The following COBL variants were observed in gnomAD, a reference collection of about 807,000 sequenced individuals.
COBL encodes protein cordon-bleu.
In COBL, 51 loss-of-function variants were observed where a neutral mutation model predicts 98.8. The observed-to-expected ratio is 0.52, with a 90% CI of 0.41 to 0.65. The LOEUF (loss-of-function observed/expected upper bound fraction) is 0.65, where lower values mean the gene tolerates loss of function less well. Ranked by LOEUF, COBL falls within the 30% of genes least tolerant of loss-of-function variation. The probability of loss-of-function intolerance (pLI) is 0.00; values close to 1 mark genes in which losing one functional copy is unlikely to be tolerated. For missense variants in COBL, 1,617 were observed against 1,617.5 expected (o/e 1.00, Z 0.01); for synonymous variants, 634 against 651.7 (o/e 0.97, Z 0.41).
At chr7:51,126,604 G>T (rs930841810) in intron 6 of COBL, among the ~76,000 whole-genome samples, 11 of 152,116 alleles carry the variant, frequency 7.2e-5, no homozygotes, top group African/African-American at 2.7e-4. Flanking sequence ...GAGGAGCCTG[G>T]GTTGGACCTG....
At chr7:51,263,973 G>A (rs1226060974) in intron 1 of COBL, among the ~76,000 whole-genome samples, 1 of 152,200 alleles carries the variant, frequency 6.6e-6, no homozygotes, top group Non-Finnish European at 1.5e-5. Flanking sequence ...TAGTTTTCAT[G>A]ACAGCTCACA....
intron 1 of COBL, among the ~76,000 whole-genome samples, chr7:51,310,745 TGC>T (rs1563154722): frequency 6.6e-6 from 1 of 151,988 alleles, no homozygotes; most frequent in East Asian, 1.9e-4. Flanking sequence ...CTGTAACCTC[TGC>T]CTCCCGGTTC....
intron 5 of COBL, among the ~76,000 whole-genome samples, chr7:51,175,018 G>A (rs539796067): frequency 2.6e-5 from 4 of 152,270 alleles, no homozygotes; most frequent in Admixed American, 1.3e-4. Context: ...AGAGGATCCC[G>A]GGGTGCAAAG....
chr7:51,195,904 C>A (rs577709221), intron 2 of COBL, among the ~76,000 whole-genome samples: 96 of 152,214 alleles, frequency 6.3e-4, no homozygotes, highest in African/African-American at 2.2e-3. Context: ...AGGGCCAAGA[C>A]TATAGGGTGT....
chr7:51,283,859 G>A (rs560400778), intron 1 of COBL, among the ~76,000 whole-genome samples: 1 of 152,014 alleles, frequency 6.6e-6, no homozygotes, highest in Admixed American at 6.6e-5. Flanking sequence ...ATTTTACTAA[G>A]CATTTAAAAT....
At chr7:51,143,379 A>G (rs972891308) in intron 5 of COBL, among the ~76,000 whole-genome samples, 1 of 152,198 alleles carries the variant, frequency 6.6e-6, no homozygotes, top group Non-Finnish European at 1.5e-5. Context: ...AATTTGCCAT[A>G]ATTTATGTGG....
At chr7:51,223,755 T>C (rs1793891342) in intron 1 of COBL, among the ~76,000 whole-genome samples, 1 of 152,204 alleles carries the variant, frequency 6.6e-6, no homozygotes, top group African/African-American at 2.4e-5. Context: ...CAGTGATATC[T>C]ACGTTGGCTG....
At chr7:51,187,251 C>T (rs559600478) in intron 4 of COBL, among the ~76,000 whole-genome samples, 2 of 150,800 alleles carry the variant, frequency 1.3e-5, no homozygotes, top group South Asian at 2.1e-4. Context: ...ACCAGGTCAA[C>T]ATCTGCAAAT....
At position 51,214,095 on chromosome 7, in the gene COBL, G is replaced by A. The variant is rs150718977; in HGVS notation, c.245+5646C>T. On this transcript the variant is annotated intron_variant, in intron 2 of 12. Coordinates refer to ENST00000265136, the MANE Select transcript of COBL (RefSeq NM_015198.5). ...AGCCTGGCCAACATGGTGAAACCCC[G>A]TCTCTACTAAAAATGCAAATATTAG... 5.8e-4 allele frequency among the ~76,000 whole-genome samples: 88 copies of A among 151,892 alleles called. No individual in the cohort carries two copies. The South Asian group carries it at 9.8e-3, about 17-fold the overall frequency.
chr7:51,018,904 AAATAT>A (rs1218789041), intron 12 of COBL, among the ~76,000 whole-genome samples: 22 of 54,660 alleles, frequency 4.0e-4, no homozygotes, highest in African/African-American at 5.2e-4. Flanking sequence ...AAAAAAAAAA[AAATAT>A]ATATATATAT....
At chr7:51,055,331 A>C (rs1583628339) in intron 7 of COBL, among the ~76,000 whole-genome samples, 1 of 152,280 alleles carries the variant, frequency 6.6e-6, no homozygotes, top group Non-Finnish European at 1.5e-5. Context: ...CGGGAAACTC[A>C]AACTCATCTC....
chr7:51,026,574 C>T lies in COBL; in HGVS notation c.3476G>A (p.Gly1159Glu). 1 of 1,614,148 alleles carries T rather than the reference C, an allele frequency of 6.2e-7. No individual in the cohort carries two copies. Among genetic ancestry groups the T allele is most frequent in the East Asian group, 2.2e-5 (1 of 44,888 alleles). ...ERSALLAAIR[G>E]HSGTCSLRKV... is the part of the protein sequence containing the mutation. Reference sequence around the variant, plus strand: ...CCTCAGGCTGCAGGTGCCGCTGTGCCCGCGGATAGCTGCCAGCAGTGCAGA... The same window carrying T: ...CCTCAGGCTGCAGGTGCCGCTGTGCTCGCGGATAGCTGCCAGCAGTGCAGA... Residue 1159 changes from glycine (G) to glutamate (E), a missense_variant, in exon 11 of 13, where the codon GGG (glycine) becomes GAG (glutamate). Gly to Glu is a moderately conservative substitution (Grantham distance 98, BLOSUM62 -2). Coordinates refer to ENST00000265136, the MANE Select transcript of COBL (RefSeq NM_015198.5).
At chr7:51,098,523 T>C (rs1460125976) in intron 6 of COBL, among the ~76,000 whole-genome samples, 1 of 152,128 alleles carries the variant, frequency 6.6e-6, no homozygotes, top group Non-Finnish European at 1.5e-5. Context: ...AGATAGTTTC[T>C]TCAACAAATG....
chr7:51,042,744 T>C (rs1035992771), intron 8 of COBL, among the ~76,000 whole-genome samples: 1 of 152,208 alleles, frequency 6.6e-6, no homozygotes, highest in Non-Finnish European at 1.5e-5. Flanking sequence ...AATGAATATA[T>C]GACAAGATGC....
intron 6 of COBL, among the ~76,000 whole-genome samples, chr7:51,129,088 C>T (rs60656028): frequency 0.017 from 2,622 of 152,282 alleles, 83 homozygotes; most frequent in African/African-American, 0.06. Context: ...GCAATTCTTT[C>T]GCTATTTGCG....
intron 7 of COBL, among the ~76,000 whole-genome samples, chr7:51,048,062 G>A (rs1212120266): frequency 6.6e-6 from 1 of 152,154 alleles, no homozygotes; most frequent in Non-Finnish European, 1.5e-5. Context: ...AGCTACTCGG[G>A]AAGTTGAGGC....
intron 1 of COBL, among the ~76,000 whole-genome samples, chr7:51,290,924 G>T (rs577939625): frequency 4.6e-5 from 7 of 152,174 alleles, no homozygotes; most frequent in Admixed American, 2.6e-4. Flanking sequence ...ACACTGTACT[G>T]CATGGAATCT....
At chr7:51,220,114 A>T (rs1793488909) in intron 1 of COBL, among the ~76,000 whole-genome samples, 170 bp from the exon 2 acceptor site, 1 of 152,196 alleles carries the variant, frequency 6.6e-6, no homozygotes, top group Non-Finnish European at 1.5e-5. Flanking sequence ...AAGTAAACAA[A>T]ATAGAGAAAG....
At chr7:51,089,985 G>C (rs1157435620) in intron 6 of COBL, among the ~76,000 whole-genome samples, 1 of 151,944 alleles carries the variant, frequency 6.6e-6, no homozygotes, top group South Asian at 2.1e-4. Flanking sequence ...AAATTATTTG[G>C]TTTTGGCAAT....
Sources: allele counts gnomAD v4.1 joint callset (sites outside exome capture counted in the v4.1 genomes callset), GRCh38; gene constraint gnomAD v4.1.1; transcripts MANE v1.5; gene names NCBI Gene and HGNC (gene_info 2026-07-23, HGNC 2026-07-21).